The following RHOU variants were observed in gnomAD, a reference collection of about 807,000 sequenced individuals.
The protein encoded by RHOU is ras homolog family member U, also known as rho-related GTP-binding protein RhoU.
RHOU carries 8 observed loss-of-function variants against 12.6 expected under a neutral mutation model. The observed-to-expected ratio is 0.64, with a 90% CI of 0.37 to 1.15. The LOEUF (loss-of-function observed/expected upper bound fraction) is 1.15, where lower values mean the gene tolerates loss of function less well. Among genes scored for constraint, RHOU ranks in the 50% most tolerant of loss-of-function variants. RHOU has a pLI of 0.01. For missense variants in RHOU, 258 were observed against 347.0 expected, an observed-to-expected ratio of 0.74 and a Z score of 2.04; for synonymous variants, 161 against 147.4, an observed-to-expected ratio of 1.09 and a Z score of -0.67.
the RHOU span, among the ~76,000 whole-genome samples, chr1:228,726,656 C>T: frequency 1.4e-5 from 2 of 146,628 alleles, no homozygotes; most frequent in Non-Finnish European, 3.0e-5. Context: ...GACAGTGAGA[C>T]TCCATCTCAA....
chr1:228,743,686 T>A lies in RHOU; in HGVS notation c.723T>A (p.Asp241Glu). ...AGAAGTCTAAAAGCAGGACTCCAGATAAAATGAAAAACCTCTCCAAGTCCT... is the reference window on the plus strand; with the variant it reads ...AGAAGTCTAAAAGCAGGACTCCAGAAAAAATGAAAAACCTCTCCAAGTCCT... ...QPKKSKSRTP[D>E]KMKNLSKSWW... The change falls in exon 3 of 3, where the codon GAT becomes GAA. Residue 241 changes from aspartate (D) to glutamate (E), a missense_variant. Transcript: ENST00000366691. The surrounding 1 kb of genome is among the most constrained non-coding windows in gnomAD (Gnocchi z 5.1). 1.2e-6 allele frequency: 2 copies of A among 1,613,924 alleles called. No homozygotes were observed. Among genetic ancestry groups the A allele is most frequent in the Non-Finnish European group, 1.7e-6 (2 of 1,179,926 alleles).
intron 2 of RHOU, among the ~76,000 whole-genome samples, chr1:228,742,816 A>G (rs4388674): frequency 0.38 from 57,638 of 151,986 alleles, 12,219 homozygotes; most frequent in African/African-American, 0.59. Flanking sequence ...GGCTGGATTG[A>G]TAAAGAGAGG....
At chr1:228,647,581 C>G in the RHOU span, among the ~76,000 whole-genome samples, 1 of 152,212 alleles carries the variant, frequency 6.6e-6, no homozygotes, top group Non-Finnish European at 1.5e-5. Context: ...CCCCTTCCCC[C>G]GGTTTATAAG....
At chr1:228,710,094 C>T in the RHOU span, among the ~76,000 whole-genome samples, 2 of 152,148 alleles carry the variant, frequency 1.3e-5, no homozygotes, top group African/African-American at 2.4e-5. Flanking sequence ...TATACACTCT[C>T]CCAGGACTAA....
the RHOU span, among the ~76,000 whole-genome samples, chr1:228,674,466 C>T: frequency 6.6e-6 from 1 of 151,616 alleles, no homozygotes; most frequent in South Asian, 2.1e-4. Flanking sequence ...CCAGCCTCAG[C>T]CTCCTGAGTA....
the RHOU span, among the ~76,000 whole-genome samples, chr1:228,656,881 T>C: frequency 6.6e-6 from 1 of 152,100 alleles, no homozygotes; most frequent in East Asian, 1.9e-4. Context: ...AGTCAAAAGA[T>C]GGAGATTGGC....
chr1:228,670,282 C>T, the RHOU span, among the ~76,000 whole-genome samples: 3 of 152,154 alleles, frequency 2.0e-5, no homozygotes, highest in Non-Finnish European at 4.4e-5. Context: ...GTGGCCCAGC[C>T]CAGATAATCA....
At chr1:228,674,621 C>T in the RHOU span, among the ~76,000 whole-genome samples, 19 of 152,142 alleles carry the variant, frequency 1.2e-4, no homozygotes, top group African/African-American at 3.9e-4. Flanking sequence ...GCTGGGATTA[C>T]AGGCATGAGC....
chr1:228,709,109 C>G, the RHOU span, among the ~76,000 whole-genome samples: 16 of 152,126 alleles, frequency 1.1e-4, no homozygotes, highest in Admixed American at 9.2e-4. Flanking sequence ...GAAGAGCTAA[C>G]TATCCTAAAT....
the RHOU span, among the ~76,000 whole-genome samples, chr1:228,728,934 C>T: frequency 2.7e-5 from 4 of 149,084 alleles, no homozygotes; most frequent in South Asian, 2.1e-4. Flanking sequence ...CTCGCTCTGT[C>T]GCCCAGGCTG....
intron 2 of RHOU, among the ~76,000 whole-genome samples, chr1:228,740,969 A>G (rs1411051554): frequency 1.3e-5 from 2 of 152,198 alleles, no homozygotes; most frequent in African/African-American, 4.8e-5. Flanking sequence ...GCTTGAAAAA[A>G]CATACCTTTG....
chr1:228,674,815 C>G, the RHOU span, among the ~76,000 whole-genome samples: 1 of 152,104 alleles, frequency 6.6e-6, no homozygotes, highest in Admixed American at 6.5e-5. Flanking sequence ...ACTGCAAGCT[C>G]CGCCTCTCGG....
chr1:228,663,615 C>CTTT, the RHOU span, among the ~76,000 whole-genome samples: 2 of 86,696 alleles, frequency 2.3e-5, no homozygotes, highest in African/African-American at 5.0e-5. Flanking sequence ...CTTTTCTTTT[C>CTTT]TTTTCTTTTC....
the RHOU span, among the ~76,000 whole-genome samples, chr1:228,672,573 A>T: frequency 1.2e-4 from 18 of 152,220 alleles, no homozygotes; most frequent in Non-Finnish European, 2.1e-4. Flanking sequence ...GTTAAGTCAA[A>T]AACTACTGAT....
upstream of RHOU, among the ~76,000 whole-genome samples, chr1:228,730,977 A>G (rs939593465): frequency 2.5e-4 from 38 of 152,236 alleles, no homozygotes; most frequent in African/African-American, 8.7e-4. Flanking sequence ...CAAAAGTGAC[A>G]TGTACACAGT....
the RHOU span, among the ~76,000 whole-genome samples, chr1:228,647,448 G>T: frequency 3.3e-5 from 5 of 152,188 alleles, no homozygotes; most frequent in Non-Finnish European, 4.4e-5. Flanking sequence ...TAGGAATCCG[G>T]GTGCACAGGG....
chr1:228,736,053 C>A, intron 1 of RHOU, 49 bp downstream of exon 1: 2 of 1,543,290 alleles, frequency 1.3e-6, no homozygotes, highest in Admixed American at 1.8e-5. Context: ...CGCGGTCCAC[C>A]CAGGGGAAGG....
At position 228,745,360 on chromosome 1, in the gene RHOU, G is replaced by T. The variant is rs1427065457; in HGVS notation, c.*1620G>T. ...CATCCACAACTAATGAGGGAAATCT[G>T]TAAAGCCAGTTAGATAGAAGAATTT... is the stretch of plus-strand genomic sequence containing the variant. On this transcript the variant is annotated 3_prime_UTR_variant, in exon 3 of 3. Transcript: ENST00000366691. 6.6e-6 allele frequency: 1 copy of T among 152,176 alleles called. No individual in the cohort carries two copies. Among genetic ancestry groups the T allele is most frequent in the East Asian group, 1.9e-4 (1 of 5,198 alleles). The allele number at this position is 152,176 out of a possible 1,614,324, so 9.4% of individuals were successfully genotyped here. A position where few individuals can be genotyped will look rare whatever the true frequency, so the allele number is the denominator to read the frequency against.
At chr1:228,689,258 G>T in the RHOU span, among the ~76,000 whole-genome samples, 2 of 152,192 alleles carry the variant, frequency 1.3e-5, no homozygotes, top group South Asian at 2.1e-4. Flanking sequence ...TCAAACAAAA[G>T]AGGTCATATG....
Sources: allele counts gnomAD v4.1 joint callset (sites outside exome capture counted in the v4.1 genomes callset), GRCh38; gene constraint gnomAD v4.1.1; non-coding constraint Gnocchi (gnomAD v3.1); transcripts MANE v1.5; gene names NCBI Gene and HGNC (gene_info 2026-07-23, HGNC 2026-07-21).